The following AGAP1 variants were observed in gnomAD, a reference collection of about 807,000 sequenced individuals.
The protein encoded by AGAP1 is ArfGAP with GTPase domain, ankyrin repeat and PH domain 1, also known as arf-GAP with GTPase, ANK repeat and PH domain-containing protein 1.
AGAP1 carries 29 observed loss-of-function variants against 105.3 expected under a neutral mutation model. The ratio of observed to expected loss-of-function variants is 0.28; its 90% CI spans 0.21 to 0.38. AGAP1 has a LOEUF of 0.38. Among genes scored for constraint, AGAP1 ranks in the 10% least tolerant of loss-of-function variants. The pLI is 1.00. For missense variants in AGAP1, 998 were observed against 1,165.1 expected (o/e 0.86, Z 2.09); for synonymous variants, 509 against 485.9 (o/e 1.05, Z -0.63).
chr2:236,034,374 C>A (rs2057316946), intron 13 of AGAP1, among the ~76,000 whole-genome samples: 1 of 151,922 alleles, frequency 6.6e-6, no homozygotes, highest in African/African-American at 2.4e-5. Flanking sequence ...GACCTGCAGA[C>A]ACCCTGACCC....
At chr2:236,054,256 T>C (rs534063734) in intron 16 of AGAP1, among the ~76,000 whole-genome samples, 1 of 152,284 alleles carries the variant, frequency 6.6e-6, no homozygotes, top group South Asian at 2.1e-4. Flanking sequence ...TGTGTCTTTG[T>C]CTTGTTAGGT....
At chr2:236,110,387 T>C (rs571555717) in intron 16 of AGAP1, among the ~76,000 whole-genome samples, 23 of 117,162 alleles carry the variant, frequency 2.0e-4, no homozygotes, top group Admixed American at 1.5e-3. Flanking sequence ...AAGACCCCCT[T>C]CTCTACAAAA....
In AGAP1 at chr2:236,089,876, T is replaced by C. The variant is rs992310912; in HGVS notation, c.2115-30316T>C. Among the ~76,000 whole-genome samples, 1 of 152,160 alleles carries C rather than the reference T, an allele frequency of 6.6e-6. No individual in the cohort carries two copies. The highest frequency in any genetic ancestry group is 1.5e-5 in the Non-Finnish European group (1 of 68,034). ...CATTTCTCATTGGTGGACTTTCTACTGTTAACCACCAAGAAATGACCAATT... is the reference window on the plus strand; with the variant it reads ...CATTTCTCATTGGTGGACTTTCTACCGTTAACCACCAAGAAATGACCAATT... On this transcript the variant is annotated intron_variant, in intron 16 of 17. Coordinates refer to ENST00000304032, the MANE Select transcript of AGAP1 (RefSeq NM_001037131.3). The surrounding 1 kb of genome is among the most constrained non-coding windows in gnomAD (Gnocchi z 5.6).
chr2:236,032,760 G>A (rs2057263997), intron 13 of AGAP1, among the ~76,000 whole-genome samples: 1 of 152,132 alleles, frequency 6.6e-6, no homozygotes, highest in African/African-American at 2.4e-5. Context: ...TTGCAAGAGA[G>A]TGAGGAAACC....
intron 13 of AGAP1, among the ~76,000 whole-genome samples, chr2:235,986,426 A>G (rs1204607524): frequency 1.3e-5 from 2 of 152,164 alleles, no homozygotes; most frequent in African/African-American, 4.8e-5. Context: ...AACAGAGACA[A>G]TTTGATTTCC....
chr2:235,974,469 T>TC (rs963320469), intron 13 of AGAP1, among the ~76,000 whole-genome samples: 60 of 152,332 alleles, frequency 3.9e-4, no homozygotes, highest in African/African-American at 1.4e-3. Context: ...CCTGGTGTTA[T>TC]CCCCCCCTTG....
intron 13 of AGAP1, among the ~76,000 whole-genome samples, chr2:236,007,637 T>C (rs906593124): frequency 2.0e-4 from 30 of 152,206 alleles, no homozygotes; most frequent in Admixed American, 2.6e-4. Flanking sequence ...AAAGATTTTG[T>C]GTTTAAGAAA....
chr2:235,691,486 A>G lies in AGAP1; in HGVS notation c.164-17693A>G, dbSNP rs537972530. On this transcript the variant is annotated intron_variant, in intron 1 of 17. Transcript: ENST00000304032. This position sits in a 1 kb window ranked among gnomAD's most constrained non-coding sequence, Gnocchi z 4.4. The stretch of plus-strand genomic sequence containing the variant: ...AGATACTCATTTGAGATGTGCCAAC[A>G]TTTAGTCGGATTCTGTGACTGGTCG... Among the ~76,000 whole-genome samples, 12 of 152,366 alleles carry G rather than the reference A, an allele frequency of 7.9e-5. No homozygotes were observed. Among genetic ancestry groups the G allele is most frequent in the Admixed American group, 5.2e-4 (8 of 15,302 alleles).
chr2:235,591,495 G>A (rs768726325), intron 1 of AGAP1, among the ~76,000 whole-genome samples: 7 of 152,284 alleles, frequency 4.6e-5, no homozygotes, highest in South Asian at 2.1e-4. Flanking sequence ...TTGGTGTGAT[G>A]TTGACTCCAC....
intron 10 of AGAP1, among the ~76,000 whole-genome samples, chr2:235,907,785 T>A (rs1441365002): frequency 6.6e-6 from 1 of 152,198 alleles, no homozygotes; most frequent in African/African-American, 2.4e-5. Flanking sequence ...CCTAGATTAC[T>A]TATACCTCAT....
intron 6 of AGAP1, among the ~76,000 whole-genome samples, chr2:235,771,293 T>C (rs1463496071): frequency 6.6e-6 from 1 of 152,194 alleles, no homozygotes; most frequent in Admixed American, 6.5e-5. Context: ...CCAGAGGGCT[T>C]CTGCTGGGGA....
chr2:236,004,687 T>A (rs1378918882), intron 13 of AGAP1, among the ~76,000 whole-genome samples: 1 of 152,228 alleles, frequency 6.6e-6, no homozygotes, highest in East Asian at 1.9e-4. Context: ...ATCTTCACAA[T>A]CATAAATTCA....
At chr2:235,647,694 T>C (rs1947437426) in intron 1 of AGAP1, among the ~76,000 whole-genome samples, 1 of 152,140 alleles carries the variant, frequency 6.6e-6, no homozygotes, top group African/African-American at 2.4e-5. Context: ...GGCTGAGGAA[T>C]CACATTTTAA....
At chr2:235,935,016 A>T (rs1482691878) in intron 12 of AGAP1, among the ~76,000 whole-genome samples, 2 of 152,164 alleles carry the variant, frequency 1.3e-5, no homozygotes, top group African/African-American at 4.8e-5. Context: ...CTAATTAGAT[A>T]GATTCCTTTG....
Position 235,906,667 on chromosome 2 carries a change from C to G in AGAP1, c.1156-2071C>G, listed in dbSNP as rs554641925. The stretch of plus-strand genomic sequence containing the variant: ...TGCGGGAAGGTCTACATTGTCACAC[C>G]CCAGGCTCACCCACCTGACCATGGT... On this transcript the variant is annotated intron_variant, in intron 10 of 17. Transcript: ENST00000304032. This position sits in a 1 kb window ranked among gnomAD's most constrained non-coding sequence, Gnocchi z 5.3. Among the ~76,000 whole-genome samples the G allele has an allele frequency of 7.9e-4, 121 of 152,304 alleles. 1 individual carries two copies. The Middle Eastern group carries it at 0.024, about 30-fold the overall frequency.
At chr2:235,763,578 G>C (rs1240988174) in intron 6 of AGAP1, among the ~76,000 whole-genome samples, 1 of 152,174 alleles carries the variant, frequency 6.6e-6, no homozygotes, top group African/African-American at 2.4e-5. Flanking sequence ...AAGTGAGACT[G>C]TGTGTCCACA....
intron 1 of AGAP1, among the ~76,000 whole-genome samples, chr2:235,632,344 G>A (rs1265823854): frequency 9.2e-5 from 14 of 152,204 alleles, no homozygotes. Context: ...TATCCTCGGG[G>A]TGCCTCAGAG....
At chr2:235,809,172 T>A (rs1575523083) in intron 9 of AGAP1, among the ~76,000 whole-genome samples, 1 of 152,046 alleles carries the variant, frequency 6.6e-6, no homozygotes, top group African/African-American at 2.4e-5. Flanking sequence ...GGGCCCCCGG[T>A]ATAATTGGAA....
At chr2:235,500,974 A>G (rs1941537553) in intron 1 of AGAP1, among the ~76,000 whole-genome samples, 1 of 152,202 alleles carries the variant, frequency 6.6e-6, no homozygotes, top group Non-Finnish European at 1.5e-5. Context: ...ACCACCACCC[A>G]GCAACCTTAA....
Sources: gnomAD v4.1 joint callset for allele counts (sites outside exome capture counted in the v4.1 genomes callset) on GRCh38, gnomAD v4.1.1 for gene constraint, Gnocchi (gnomAD v3.1) non-coding constraint, MANE v1.5 for transcripts, NCBI Gene and HGNC (gene_info 2026-07-23, HGNC 2026-07-21) for gene names.